The following NEURL1 variants were observed in gnomAD, a reference collection of about 807,000 sequenced individuals.
NEURL1 encodes neuralized E3 ubiquitin protein ligase 1, also known as E3 ubiquitin-protein ligase NEURL1.
In NEURL1, 26 loss-of-function variants were observed where a neutral mutation model predicts 41.2. The ratio of observed to expected loss-of-function variants is 0.63; its 90% confidence interval spans 0.46 to 0.87. NEURL1 has a LOEUF of 0.87. Ranked by LOEUF, NEURL1 falls within the 40% of genes least tolerant of loss-of-function variation. The probability of loss-of-function intolerance (pLI) is 0.00; values close to 1 mark genes in which losing one functional copy is unlikely to be tolerated. For synonymous variants in NEURL1, 400 were observed against 402.3 expected (o/e 0.99, Z 0.07); for missense variants, 761 against 871.1 (o/e 0.87, Z 1.59).
At chr10:103,520,100 A>T (rs1284793375) in intron 1 of NEURL1, among the ~76,000 whole-genome samples, 2 of 152,176 alleles carry the variant, frequency 1.3e-5, no homozygotes, top group African/African-American at 4.8e-5. Flanking sequence ...GTTGCTTTAA[A>T]AACAGTTTAT....
chr10:103,494,671 G>C (rs1341187492), intron 1 of NEURL1, 199 bp downstream of exon 1: 7 of 566,236 alleles, frequency 1.2e-5, no homozygotes, highest in Non-Finnish European at 1.9e-5. Flanking sequence ...CGGGGTCTGC[G>C]CAGTTCTGTC....
At chr10:103,568,902 C>T (rs1374621783) in intron 1 of NEURL1, among the ~76,000 whole-genome samples, 5 of 152,204 alleles carry the variant, frequency 3.3e-5, no homozygotes, top group Admixed American at 2.6e-4. Flanking sequence ...GCAACCTCCA[C>T]CTTCTGGGTT....
At chr10:103,505,957 G>A (rs2033936607) in intron 1 of NEURL1, among the ~76,000 whole-genome samples, 1 of 152,332 alleles carries the variant, frequency 6.6e-6, no homozygotes, top group Non-Finnish European at 1.5e-5. Context: ...CAGACTGTGT[G>A]GGGACAGGGG....
intron 1 of NEURL1, among the ~76,000 whole-genome samples, chr10:103,533,489 C>T: frequency 6.6e-6 from 1 of 151,956 alleles, no homozygotes; most frequent in South Asian, 2.1e-4. Flanking sequence ...CCTGCCTCAG[C>T]CTCCTGAGTA....
chr10:103,563,996 T>C lies in NEURL1; in HGVS notation c.86-6876T>C, dbSNP rs548774070. ...TCAGTGCCTCTGCTCTTGGCTGGGG[T>C]GGTGAGCTCCCCCCCATCTCTCCTT... On this transcript the variant is annotated intron_variant, in intron 1 of 5. Coordinates refer to ENST00000369780, the MANE Select transcript of NEURL1 (RefSeq NM_004210.5). Among the ~76,000 whole-genome samples the C allele has an allele frequency of 2.2e-3, 328 of 152,108 alleles. 1 individual carries two copies. The highest frequency in any genetic ancestry group is 3.8e-3 in the Non-Finnish European group (256 of 67,988).
chr10:103,535,743 C>T (rs1428015561), intron 1 of NEURL1, among the ~76,000 whole-genome samples: 12 of 152,156 alleles, frequency 7.9e-5, no homozygotes, highest in Non-Finnish European at 1.3e-4. Flanking sequence ...TGGAGTGGCT[C>T]TACCTCTGCT....
chr10:103,514,817 A>C (rs1156448761), intron 1 of NEURL1, among the ~76,000 whole-genome samples: 1 of 152,162 alleles, frequency 6.6e-6, no homozygotes, highest in Non-Finnish European at 1.5e-5. Context: ...GCCCAGGGCC[A>C]CCGACAGGGG....
intron 1 of NEURL1, chr10:103,555,370 G>A (rs1425825006): frequency 2.2e-6 from 3 of 1,355,910 alleles, no homozygotes; most frequent in South Asian, 1.2e-5. Context: ...TGCACTGCCC[G>A]TCGCCGGAGA....
At position 103,509,290 on chromosome 10, in the gene NEURL1, A is replaced by C. The variant is rs114887932; in HGVS notation, c.85+14818A>C. ...AAATACAGTTGTGTGTGGCTTAACA[A>C]TGGGGACACATTCTGAGAATTGTGT... On this transcript the variant is annotated intron_variant, in intron 1 of 5. Transcript: ENST00000369780. Among the ~76,000 whole-genome samples the C allele has an allele frequency of 7.7e-3, 1,173 of 152,022 alleles. 10 individuals carry two copies. Among genetic ancestry groups the C allele is most frequent in the African/African-American group, 0.027 (1,102 of 41,446 alleles).
chr10:103,552,209 C>A (rs2035045631), intron 1 of NEURL1, among the ~76,000 whole-genome samples: 1 of 152,148 alleles, frequency 6.6e-6, no homozygotes, highest in Non-Finnish European at 1.5e-5. Flanking sequence ...CCAGATAGGA[C>A]AGTGACTTTC....
chr10:103,538,786 A>C (rs940887082), intron 1 of NEURL1, among the ~76,000 whole-genome samples: 10 of 150,170 alleles, frequency 6.7e-5, no homozygotes, highest in Non-Finnish European at 1.3e-4. Context: ...AGCTGGGACT[A>C]CAGGGGCATG....
At chr10:103,570,773 G>T in intron 1 of NEURL1, 99 bp from the exon 2 acceptor site, 1 of 1,520,980 alleles carries the variant, frequency 6.6e-7, no homozygotes, top group South Asian at 1.3e-5. Flanking sequence ...GGCTCTGGGT[G>T]ACTTCTGGTC....
intron 1 of NEURL1, chr10:103,555,367 C>T: frequency 7.4e-7 from 1 of 1,355,342 alleles, no homozygotes. Flanking sequence ...GGCTGCACTG[C>T]CCGTCGCCGG....
chr10:103,524,610 T>A (rs1387072315), intron 1 of NEURL1, among the ~76,000 whole-genome samples: 1 of 152,232 alleles, frequency 6.6e-6, no homozygotes. Context: ...CAATTTTAAG[T>A]TGATTTTTAT....
At chr10:103,513,968 G>A (rs189930495) in intron 1 of NEURL1, among the ~76,000 whole-genome samples, 2 of 152,180 alleles carry the variant, frequency 1.3e-5, no homozygotes, top group African/African-American at 4.8e-5. Context: ...CCCTGACCCC[G>A]CTGTTGTCAG....
chr10:103,562,386 GCAAA>G (rs1200863584), intron 1 of NEURL1, among the ~76,000 whole-genome samples: 4 of 152,126 alleles, frequency 2.6e-5, no homozygotes, highest in Non-Finnish European at 5.9e-5. Context: ...CCGTCTCAAA[GCAAA>G]CAAACAAACA....
intron 1 of NEURL1, among the ~76,000 whole-genome samples, chr10:103,551,696 G>C (rs1181355993): frequency 6.6e-6 from 1 of 152,212 alleles, no homozygotes; most frequent in Admixed American, 6.5e-5. Flanking sequence ...CCCTCTAGAG[G>C]TCCTGGACAC....
intron 4 of NEURL1, among the ~76,000 whole-genome samples, chr10:103,585,739 C>T (rs2035908856): frequency 6.7e-6 from 1 of 149,794 alleles, no homozygotes; most frequent in South Asian, 2.1e-4. Flanking sequence ...GAGGCTGAGG[C>T]AGGAGAATGG....
At chr10:103,570,190 G>A (rs911370685) in intron 1 of NEURL1, among the ~76,000 whole-genome samples, 17 of 152,190 alleles carry the variant, frequency 1.1e-4, no homozygotes, top group Non-Finnish European at 1.2e-4. Flanking sequence ...TCCCCACGAT[G>A]ACAGGATGGG....
Sources: gnomAD v4.1 joint callset for allele counts (sites outside exome capture counted in the v4.1 genomes callset) on GRCh38, gnomAD v4.1.1 for gene constraint, MANE v1.5 for transcripts, NCBI Gene and HGNC (gene_info 2026-07-23, HGNC 2026-07-21) for gene names.